The following PCCA variants were observed in gnomAD, a reference collection of about 807,000 sequenced individuals.
The protein encoded by PCCA is propionyl-CoA carboxylase alpha chain, mitochondrial.
In PCCA, 74 loss-of-function variants were observed where a neutral mutation model predicts 101.3. The ratio of observed to expected loss-of-function variants is 0.73; its 90% CI spans 0.61 to 0.89. The LOEUF is 0.89. Among genes scored for constraint, PCCA ranks in the 40% least tolerant of loss-of-function variants. The pLI is 0.00. For missense variants in PCCA, 891 were observed against 907.0 expected, an observed-to-expected ratio of 0.98 and a Z score of 0.23; for synonymous variants, 294 against 313.6, an observed-to-expected ratio of 0.94 and a Z score of 0.66.
rs2085313153 is a variant in PCCA, at chr13:100,496,849, A to G, written c.1900-18578A>G. Among the ~76,000 whole-genome samples the G allele has an allele frequency of 2.0e-5, 3 of 152,246 alleles. No individual in the cohort carries two copies. In the South Asian group the frequency reaches 6.2e-4, roughly 32 times the overall value. On this transcript the variant is annotated intron_variant, in intron 21 of 23. Transcript: ENST00000376285. ...TTATGAGTCAGCCAAGCCAAGGAAAATGGGGAGGATACTGTAGAAGGACAT... is the reference window on the plus strand; with the variant it reads ...TTATGAGTCAGCCAAGCCAAGGAAAGTGGGGAGGATACTGTAGAAGGACAT...
chr13:100,446,597 C>T (rs901272316), intron 20 of PCCA, among the ~76,000 whole-genome samples: 3 of 152,188 alleles, frequency 2.0e-5, no homozygotes, highest in Non-Finnish European at 4.4e-5. Flanking sequence ...GGATGACCAA[C>T]GTAGAAATGC....
At chr13:100,333,873 A>C (rs1157257754) in intron 17 of PCCA, among the ~76,000 whole-genome samples, 1 of 152,228 alleles carries the variant, frequency 6.6e-6, no homozygotes, top group Non-Finnish European at 1.5e-5. Flanking sequence ...TTTAAAAAAT[A>C]CTACTATGAT....
chr13:100,150,057 G>A (rs1028412470), intron 4 of PCCA, among the ~76,000 whole-genome samples: 2 of 106,958 alleles, frequency 1.9e-5, no homozygotes, highest in South Asian at 3.5e-4. Flanking sequence ...CAAAGATTCA[G>A]TCTTGCTCTG....
intron 21 of PCCA, among the ~76,000 whole-genome samples, chr13:100,477,021 ACTT>A (rs1300752947): frequency 3.3e-5 from 5 of 152,180 alleles, no homozygotes; most frequent in Non-Finnish European, 7.3e-5. Flanking sequence ...TATAGTTACT[ACTT>A]CAGTAATTCT....
intron 7 of PCCA, among the ~76,000 whole-genome samples, chr13:100,212,574 C>T (rs765845051): frequency 3.4e-4 from 51 of 152,170 alleles, no homozygotes; most frequent in South Asian, 2.1e-4. Flanking sequence ...TTTGCCCGTA[C>T]TAACCAACCC....
At chr13:100,500,018 A>G (rs1307372603) in intron 21 of PCCA, among the ~76,000 whole-genome samples, 1 of 152,178 alleles carries the variant, frequency 6.6e-6, no homozygotes, top group Non-Finnish European at 1.5e-5. Flanking sequence ...TTTGGAATCT[A>G]TCTTTAGACT....
intron 21 of PCCA, among the ~76,000 whole-genome samples, chr13:100,507,816 C>T (rs1480749811): frequency 6.6e-6 from 1 of 152,104 alleles, no homozygotes; most frequent in South Asian, 2.1e-4. Flanking sequence ...ACCACCACGC[C>T]TGGCTAATTT....
chr13:100,111,104 C>T (rs1176053526), intron 2 of PCCA, among the ~76,000 whole-genome samples: 6 of 151,146 alleles, frequency 4.0e-5, no homozygotes, highest in African/African-American at 1.5e-4. Flanking sequence ...CTCCGCCTCC[C>T]GGGTTCAAGC....
In PCCA at chr13:100,245,497, C is replaced by T. The variant is rs1243631964; in HGVS notation, c.637+9619C>T. On this transcript the variant is annotated intron_variant, in intron 8 of 23. Transcript: ENST00000376285. The stretch of plus-strand genomic sequence containing the variant: ...TTTTCTTCATTCTGTGTGTTCAATT[C>T]TCATTCGTCAGGTTGTAGGGTGAGA... Among the ~76,000 whole-genome samples the T allele has an allele frequency of 2.6e-5, 4 of 152,240 alleles. No homozygotes were observed. The East Asian group carries it at 7.7e-4, about 29-fold the overall frequency.
At chr13:100,102,522 TC>T (rs1403595580) in intron 1 of PCCA, among the ~76,000 whole-genome samples, 2 of 152,216 alleles carry the variant, frequency 1.3e-5, no homozygotes, top group Non-Finnish European at 1.5e-5. Context: ...AATTTGAAGC[TC>T]CTTGAGACCA....
intron 1 of PCCA, among the ~76,000 whole-genome samples, chr13:100,097,501 C>T (rs1170828855): frequency 6.6e-6 from 1 of 152,162 alleles, no homozygotes; most frequent in African/African-American, 2.4e-5. Context: ...AGGTGGATCA[C>T]CTGAGGTCGG....
chr13:100,386,593 G>A (rs2076518586), intron 19 of PCCA, among the ~76,000 whole-genome samples: 1 of 152,200 alleles, frequency 6.6e-6, no homozygotes, highest in African/African-American at 2.4e-5. Context: ...GTGTTAGCCA[G>A]GATGGTCTCC....
rs112233191 is a variant in PCCA, at chr13:100,338,348, ACATG to A, written c.1541-1804_1541-1801del. On this transcript the variant is annotated intron_variant, in intron 17 of 23. Transcript: ENST00000376285. ...ATGGTAATAAATCCATTACGTGTTG[ACATG>A]CATGAGAGCAGTGATGTCATCACAC... Among the ~76,000 whole-genome samples, 383 of 152,338 alleles carry A rather than the reference ACATG, an allele frequency of 2.5e-3. 4 individuals are homozygous for A. The South Asian group carries it at 0.028, about 11-fold the overall frequency.
In PCCA at chr13:100,331,766, T is replaced by C. The variant is rs184641297; in HGVS notation, c.1540+1095T>C. 5.1e-4 allele frequency among the ~76,000 whole-genome samples: 77 copies of C among 152,194 alleles called. 1 individual carries two copies. The East Asian group carries it at 0.014, about 29-fold the overall frequency. ...CAACTAGGATAGTAGTTTTATACTT[T>C]TGTGACTATTCTTTTAATATTTGTT... On this transcript the variant is annotated intron_variant, in intron 17 of 23. Transcript: ENST00000376285.
chr13:100,515,309 T>C, intron 21 of PCCA, 118 bp from the exon 22 acceptor site: 1 of 869,210 alleles, frequency 1.2e-6, no homozygotes, highest in Admixed American at 2.0e-5. Flanking sequence ...ACCATTTGAA[T>C]TTAAGGCTCT....
At chr13:100,423,881 G>A (rs926543113) in intron 19 of PCCA, among the ~76,000 whole-genome samples, 1 of 152,216 alleles carries the variant, frequency 6.6e-6, no homozygotes, top group Non-Finnish European at 1.5e-5. Context: ...AGACTCACAC[G>A]CAGTCTTCCT....
intron 4 of PCCA, among the ~76,000 whole-genome samples, chr13:100,124,304 A>G (rs1402533206): frequency 6.6e-6 from 1 of 152,128 alleles, no homozygotes; most frequent in African/African-American, 2.4e-5. Context: ...CTATCTATAC[A>G]TATTTTGTTG....
chr13:100,370,288 T>G lies in PCCA; in HGVS notation c.1746+1714T>G, dbSNP rs558305225. ...TTAGTAGAGATGGGGTTTCACCATG[T>G]TGGCCAGGCTGGTCTCGAACACCTG... is the stretch of plus-strand genomic sequence containing the variant. On this transcript the variant is annotated intron_variant, in intron 19 of 23. Transcript: ENST00000376285. Among the ~76,000 whole-genome samples, 7 of 152,070 alleles carry G rather than the reference T, an allele frequency of 4.6e-5. No homozygotes were observed. The South Asian group carries it at 1.5e-3, about 32-fold the overall frequency.
rs554316332 is a variant in PCCA at position 100,330,444 on chromosome 13, TAA to T, written c.1430-116_1430-115del. The T allele has an allele frequency of 2.0e-4, 140 of 684,884 alleles. 1 individual carries two copies. The South Asian group carries it at 2.2e-3, about 11-fold the overall frequency. The allele number at this position is 684,884 out of a possible 1,614,324, so 42.4% of individuals were successfully genotyped here. On this transcript the variant is annotated intron_variant, in intron 16 of 23. Coordinates refer to ENST00000376285, the MANE Select transcript of PCCA (RefSeq NM_000282.4). ...TGTTAATAGAATTCAAGGAAATAAG[TAA>T]TCTTGAATGGTTTCTGCTAGGTCAT...
Sources: allele counts gnomAD v4.1 joint callset (sites outside exome capture counted in the v4.1 genomes callset), GRCh38; gene constraint gnomAD v4.1.1; transcripts MANE v1.5; gene names NCBI Gene and HGNC (gene_info 2026-07-23, HGNC 2026-07-21).